MCUB: variants seen among roughly 807,000 people sequenced by gnomAD.
The protein encoded by MCUB is calcium uniporter regulatory subunit MCUb, mitochondrial.
Under a neutral mutation model 41.4 loss-of-function variants are expected in MCUB, and 46 were observed. The observed-to-expected ratio is 1.11, with a 90% CI of 0.88 to 1.42. The LOEUF (loss-of-function observed/expected upper bound fraction) is 1.42, where lower values mean the gene tolerates loss of function less well. Among genes scored for constraint, MCUB ranks in the 40% most tolerant of loss-of-function variants. The pLI is 0.00. For missense variants in MCUB, 403 were observed against 404.9 expected (o/e 1.00, Z 0.04); for synonymous variants, 148 against 148.2 (o/e 1.00, Z 0.01).
Position 109,560,365 on chromosome 4 carries a change from C to G in MCUB, c.28C>G (p.Arg10Gly). ...GCTCCAGAGGGGCCTCTGGCCGTGG[C>G]GCACGCGGCTGCTGCCGACCCCTGG... MLQRGLWPW[R>G]TRLLPTPGTW... is the part of the protein sequence containing the mutation. The change falls in exon 1 of 8, where the codon CGC becomes GGC. Residue 10 changes from arginine (R) to glycine (G), a missense_variant. Arg to Gly is a moderately radical substitution (Grantham distance 125). Transcript: ENST00000394650. 1 of 1,321,794 alleles carries G rather than the reference C, an allele frequency of 7.6e-7. No individual in the cohort carries two copies. Among genetic ancestry groups the G allele is most frequent in the Non-Finnish European group, 9.6e-7 (1 of 1,036,426 alleles). 81.9% of individuals were successfully genotyped at this position (1,321,794 alleles called of 1,614,324 possible).
At chr4:109,615,656 G>A (rs1293991965) in intron 1 of MCUB, among the ~76,000 whole-genome samples, 4 of 151,950 alleles carry the variant, frequency 2.6e-5, no homozygotes, top group Admixed American at 2.0e-4. Flanking sequence ...TGATCCGCCC[G>A]CCTCGGCCTC....
chr4:109,643,262 G>A (rs1203916865), intron 1 of MCUB, among the ~76,000 whole-genome samples: 5 of 121,922 alleles, frequency 4.1e-5, no homozygotes, highest in South Asian at 4.9e-4. Context: ...CTTGGCTCAC[G>A]GCAACTTCTG....
chr4:109,638,604 A>G (rs1002900747), intron 1 of MCUB, among the ~76,000 whole-genome samples: 1 of 152,064 alleles, frequency 6.6e-6, no homozygotes, highest in African/African-American at 2.4e-5. Flanking sequence ...AAAATAAGAG[A>G]ACCATGAAGT....
Position 109,566,048 on chromosome 4 carries a change from G to A in MCUB, c.99+5612G>A, listed in dbSNP as rs188966905. Among the ~76,000 whole-genome samples the A allele has an allele frequency of 2.4e-3, 365 of 151,528 alleles. 1 individual carries two copies. Among genetic ancestry groups the A allele is most frequent in the African/African-American group, 8.2e-3 (341 of 41,428 alleles). Reference sequence around the variant, plus strand: ...GTTTGTTTGTTTTTGTAGAGACAAGGTCTCACTATGTTGCCCAGGCTGGTC... The same window carrying A: ...GTTTGTTTGTTTTTGTAGAGACAAGATCTCACTATGTTGCCCAGGCTGGTC... On this transcript the variant is annotated intron_variant, in intron 1 of 7. Transcript: ENST00000394650.
chr4:109,614,317 A>G (rs1455758894), intron 1 of MCUB, among the ~76,000 whole-genome samples: 1 of 152,122 alleles, frequency 6.6e-6, no homozygotes, highest in Non-Finnish European at 1.5e-5. Context: ...TGTTTGTGTC[A>G]CCATAAATTC....
At chr4:109,604,760 C>T (rs1163921952) in intron 1 of MCUB, among the ~76,000 whole-genome samples, 2 of 152,148 alleles carry the variant, frequency 1.3e-5, no homozygotes, top group African/African-American at 2.4e-5. Flanking sequence ...TTTTCAGCAT[C>T]CATTGAAATG....
At chr4:109,580,498 A>G (rs1727145330) in intron 1 of MCUB, among the ~76,000 whole-genome samples, 1 of 152,228 alleles carries the variant, frequency 6.6e-6, no homozygotes, top group Non-Finnish European at 1.5e-5. Flanking sequence ...TCCCAACAAC[A>G]GTGTAAAAGC....
chr4:109,618,989 T>TCTCTCTCTC (rs36153862), intron 1 of MCUB, among the ~76,000 whole-genome samples: 1 of 133,732 alleles, frequency 7.5e-6, no homozygotes, highest in Non-Finnish European at 1.6e-5. Flanking sequence ...TCTCTCTCTC[T>TCTCTCTCTC]ACCTACCAAC....
intron 1 of MCUB, among the ~76,000 whole-genome samples, chr4:109,644,880 T>A (rs2126141201): frequency 6.6e-6 from 1 of 152,322 alleles, no homozygotes; most frequent in Admixed American, 6.5e-5. Flanking sequence ...TTATCAAACT[T>A]CTTTGGGGAA....
At chr4:109,650,830 C>T (rs546595717) in intron 1 of MCUB, among the ~76,000 whole-genome samples, 4 of 152,304 alleles carry the variant, frequency 2.6e-5, no homozygotes, top group Admixed American at 6.5e-5. Flanking sequence ...GTACAACATT[C>T]TTTGACATTC....
rs1314301129 is a variant in MCUB at position 109,632,449 on chromosome 4, C to A, written c.100-26562C>A. On this transcript the variant is annotated intron_variant, in intron 1 of 7. Coordinates refer to ENST00000394650, the MANE Select transcript of MCUB (RefSeq NM_017918.5). Reference sequence around the variant, plus strand: ...TCTAAAATTTAGTGGTTTAAGACAGCAGTAATAATTTATTGCTCTCACAGT... The same window carrying A: ...TCTAAAATTTAGTGGTTTAAGACAGAAGTAATAATTTATTGCTCTCACAGT... 3.9e-5 allele frequency among the ~76,000 whole-genome samples: 6 copies of A among 152,040 alleles called. No individual in the cohort carries two copies. In the South Asian group the frequency reaches 6.2e-4, roughly 16 times the overall value.
chr4:109,665,917 G>A (rs939973257), intron 4 of MCUB, among the ~76,000 whole-genome samples: 9 of 151,606 alleles, frequency 5.9e-5, no homozygotes, highest in African/African-American at 2.2e-4. Flanking sequence ...ATACTAAACA[G>A]TGAGAGAGAG....
At chr4:109,646,656 G>T (rs1321729576) in intron 1 of MCUB, among the ~76,000 whole-genome samples, 1 of 152,108 alleles carries the variant, frequency 6.6e-6, no homozygotes, top group Non-Finnish European at 1.5e-5. Context: ...AACTTAGACA[G>T]CGCTCCTCAT....
At chr4:109,664,497 T>G (rs1408027242) in intron 4 of MCUB, 103 bp downstream of exon 4, 5 of 585,030 alleles carry the variant, frequency 8.5e-6, no homozygotes, top group Non-Finnish European at 1.5e-5. Flanking sequence ...TCGTCATAGC[T>G]CACTGTAATC....
At chr4:109,611,318 G>T (rs1034084777) in intron 1 of MCUB, among the ~76,000 whole-genome samples, 4 of 152,224 alleles carry the variant, frequency 2.6e-5, no homozygotes, top group Admixed American at 6.5e-5. Flanking sequence ...CACTTGTAGA[G>T]ATAAGAGAAG....
intron 1 of MCUB, among the ~76,000 whole-genome samples, chr4:109,562,192 G>A (rs1040269848): frequency 1.3e-5 from 2 of 152,258 alleles, no homozygotes; most frequent in South Asian, 4.2e-4. Context: ...TGGTGCCATT[G>A]CATACCTCAG....
At chr4:109,582,045 T>G (rs1411572808) in intron 1 of MCUB, among the ~76,000 whole-genome samples, 1 of 152,246 alleles carries the variant, frequency 6.6e-6, no homozygotes, top group Non-Finnish European at 1.5e-5. Flanking sequence ...ACCCAAAGGA[T>G]TATAAATCAT....
chr4:109,657,843 C>T (rs755752027), intron 1 of MCUB, among the ~76,000 whole-genome samples: 16 of 152,268 alleles, frequency 1.1e-4, no homozygotes, highest in Non-Finnish European at 1.8e-4. Flanking sequence ...CTCAGCACTG[C>T]TGTCCAATAG....
intron 5 of MCUB, 86 bp from the exon 6 acceptor site, chr4:109,684,357 C>T (rs1031218768): frequency 1.2e-5 from 13 of 1,123,900 alleles, no homozygotes; most frequent in South Asian, 6.4e-5. Context: ...CCACCGCGCC[C>T]GGCAAGAGTT....
Sources: allele counts gnomAD v4.1 joint callset (sites outside exome capture counted in the v4.1 genomes callset), GRCh38; gene constraint gnomAD v4.1.1; transcripts MANE v1.5; gene names NCBI Gene and HGNC (gene_info 2026-07-23, HGNC 2026-07-21).